Variants in ZNF521 observed in about 807,000 individuals in gnomAD.
The protein encoded by ZNF521 is zinc finger protein 521, also known as LYST-interacting protein 3.
Under a neutral mutation model 105.5 loss-of-function variants are expected in ZNF521, and 14 were observed. The ratio of observed to expected loss-of-function variants is 0.13; its 90% CI spans 0.09 to 0.21. The LOEUF (loss-of-function observed/expected upper bound fraction) is 0.21. Ranked by LOEUF, ZNF521 falls within the 10% of genes least tolerant of loss-of-function variation. ZNF521 has a pLI of 1.00. For missense variants in ZNF521, 1,233 were observed against 1,629.7 expected (o/e 0.76, Z 4.19); for synonymous variants, 635 against 606.0 (o/e 1.05, Z -0.70).
intron 3 of ZNF521, among the ~76,000 whole-genome samples, chr18:25,257,187 T>G (rs556881320): frequency 1.3e-5 from 2 of 152,178 alleles, no homozygotes; most frequent in Non-Finnish European, 2.9e-5. Context: ...TTAAGTAACA[T>G]CTAAGTTCCC....
chr18:25,165,452 G>A (rs1438969372), intron 5 of ZNF521, among the ~76,000 whole-genome samples: 1 of 152,184 alleles, frequency 6.6e-6, no homozygotes. Flanking sequence ...CAATCCCACC[G>A]TCCCCCGGTA....
At chr18:25,303,425 G>C (rs529219526) in intron 3 of ZNF521, among the ~76,000 whole-genome samples, 53 of 151,964 alleles carry the variant, frequency 3.5e-4, no homozygotes, top group African/African-American at 1.3e-3. Flanking sequence ...AGCCTCCCTA[G>C]TAGCTGGGAC....
At chr18:25,108,222 A>G (rs2034112087) in intron 5 of ZNF521, among the ~76,000 whole-genome samples, 1 of 152,224 alleles carries the variant, frequency 6.6e-6, no homozygotes, top group Admixed American at 6.5e-5. Context: ...GATAAATGTT[A>G]ATGATAAAAA....
chr18:25,283,929 C>CA (rs1039729733), intron 3 of ZNF521, among the ~76,000 whole-genome samples: 4 of 142,302 alleles, frequency 2.8e-5, no homozygotes, highest in African/African-American at 7.5e-5. Flanking sequence ...CTTTCCCCCC[C>CA]CCCCAAAAAA....
chr18:25,195,556 A>T (rs192729469), intron 4 of ZNF521, among the ~76,000 whole-genome samples: 57 of 131,876 alleles, frequency 4.3e-4, no homozygotes, highest in African/African-American at 1.4e-3. Context: ...AATACAGTTT[A>T]AAAAAACATG....
At chr18:25,311,994 A>G (rs1912335407) in intron 3 of ZNF521, among the ~76,000 whole-genome samples, 1 of 152,210 alleles carries the variant, frequency 6.6e-6, no homozygotes, top group Admixed American at 6.5e-5. Context: ...TAAAGTGAAT[A>G]GACTCATTTA....
chr18:25,245,365 T>C (rs775041024), intron 3 of ZNF521, among the ~76,000 whole-genome samples: 8 of 152,158 alleles, frequency 5.3e-5, no homozygotes, highest in Non-Finnish European at 1.2e-4. Context: ...TCCCCTATTA[T>C]CGACATCCCC....
rs570306304 is a variant in ZNF521, at chr18:25,075,839, C to T, written c.3907-13098G>A. ...TGCTTTAAAGGGAACTTCTTTTTCT[C>T]CCCTGAATCAGAGTCCTAGAAACGC... On this transcript the variant is annotated intron_variant, in intron 7 of 7. Coordinates refer to ENST00000361524, the MANE Select transcript of ZNF521 (RefSeq NM_015461.3). 7.9e-5 allele frequency among the ~76,000 whole-genome samples: 12 copies of T among 152,322 alleles called. No individual in the cohort carries two copies. In the South Asian group the frequency reaches 2.5e-3, roughly 32 times the overall value.
At chr18:25,148,854 A>G (rs1436306853) in intron 5 of ZNF521, among the ~76,000 whole-genome samples, 1 of 152,228 alleles carries the variant, frequency 6.6e-6, no homozygotes, top group Non-Finnish European at 1.5e-5. Flanking sequence ...ATTTAAGACT[A>G]CTATTCCTTA....
chr18:25,309,941 T>C (rs1912200464), intron 3 of ZNF521, among the ~76,000 whole-genome samples: 1 of 152,210 alleles, frequency 6.6e-6, no homozygotes, highest in Non-Finnish European at 1.5e-5. Context: ...AATATTTCTT[T>C]TAAATTTTTT....
chr18:25,124,319 T>C (rs923136892), intron 5 of ZNF521, among the ~76,000 whole-genome samples: 2 of 152,114 alleles, frequency 1.3e-5, no homozygotes, highest in Non-Finnish European at 2.9e-5. Context: ...GTATACCTTT[T>C]AGTTTTAACA....
At chr18:25,349,100 G>A (rs1474365210) in intron 2 of ZNF521, among the ~76,000 whole-genome samples, 1 of 151,456 alleles carries the variant, frequency 6.6e-6, no homozygotes, top group Non-Finnish European at 1.5e-5. Flanking sequence ...ATTCCTTCAC[G>A]GGGTTTCAGA....
intron 3 of ZNF521, among the ~76,000 whole-genome samples, chr18:25,308,652 C>G (rs1003892855): frequency 3.4e-5 from 3 of 87,850 alleles, no homozygotes; most frequent in Non-Finnish European, 6.1e-5. Flanking sequence ...AATGACATCC[C>G]CCCCCCCCCA....
At chr18:25,331,809 A>G (rs1913584830) in intron 2 of ZNF521, among the ~76,000 whole-genome samples, 1 of 152,148 alleles carries the variant, frequency 6.6e-6, no homozygotes, top group Admixed American at 6.5e-5. Context: ...CATTTTGAGA[A>G]GGTAAACCCC....
At chr18:25,075,664 C>T (rs890660136) in intron 7 of ZNF521, among the ~76,000 whole-genome samples, 2 of 152,168 alleles carry the variant, frequency 1.3e-5, no homozygotes, top group African/African-American at 4.8e-5. Context: ...TCAGACTCAC[C>T]TAAGTTGTTG....
intron 5 of ZNF521, among the ~76,000 whole-genome samples, chr18:25,156,692 A>C (rs1440124792): frequency 6.6e-6 from 1 of 152,220 alleles, no homozygotes; most frequent in African/African-American, 2.4e-5. Context: ...ATATATATGG[A>C]AAATCTATAT....
chr18:25,212,795 C>T (rs1301429817), intron 4 of ZNF521, among the ~76,000 whole-genome samples: 1 of 150,796 alleles, frequency 6.6e-6, no homozygotes, highest in Non-Finnish European at 1.5e-5. Flanking sequence ...TTCTAAGTAC[C>T]TATTTTTTTC....
At chr18:25,295,673 ATTCCAT>A (rs1911285098) in intron 3 of ZNF521, among the ~76,000 whole-genome samples, 1 of 152,166 alleles carries the variant, frequency 6.6e-6, no homozygotes, top group Admixed American at 6.5e-5. Flanking sequence ...AAAAGAAAAT[ATTCCAT>A]TATGTGAATA....
At chr18:25,258,155 A>G (rs891901082) in intron 3 of ZNF521, among the ~76,000 whole-genome samples, 11 of 152,240 alleles carry the variant, frequency 7.2e-5, no homozygotes, top group African/African-American at 2.2e-4. Flanking sequence ...ATTAAAAGGT[A>G]GACACCACTT....
Sources: allele counts gnomAD v4.1 joint callset (sites outside exome capture counted in the v4.1 genomes callset), GRCh38; gene constraint gnomAD v4.1.1; transcripts MANE v1.5; gene names NCBI Gene and HGNC (gene_info 2026-07-23, HGNC 2026-07-21).